PNMA8B: variants seen among roughly 807,000 people sequenced by gnomAD.
The protein encoded by PNMA8B is paraneoplastic antigen-like protein 8B.
For missense variants in PNMA8B, 887 were observed against 885.8 expected, an observed-to-expected ratio of 1.00 and a Z score of -0.02; for synonymous variants, 386 against 394.9, an observed-to-expected ratio of 0.98 and a Z score of 0.27.
Position 46,494,313 on chromosome 19 carries a change from C to G in PNMA8B, c.1153G>C (p.Gly385Arg). ...VLSVMSKDTN[G>R]TRVKVEEAGR... ...GCCTCTTCCACCTTCACGCGGGTCC[C>G]GTTAGTGTCCTTGGACATGACGGAC... The change falls in exon 1 of 1, where the codon GGG becomes CGG. Residue 385 changes from glycine (G) to arginine (R), a missense_variant. Gly to Arg is a moderately radical substitution (Grantham distance 125). Coordinates refer to ENST00000599531, the MANE Select transcript of PNMA8B (RefSeq NM_020709.3). 6.2e-7 allele frequency: 1 copy of G among 1,612,976 alleles called. No individual in the cohort carries two copies. The highest frequency in any genetic ancestry group is 8.5e-7 in the Non-Finnish European group (1 of 1,179,822).
In PNMA8B at chr19:46,495,413, T is replaced by G; in HGVS notation, c.53A>C (p.His18Pro). Residue 18 changes from histidine (H) to proline (P), a missense_variant, in exon 1 of 1, where the codon CAC (histidine) becomes CCC (proline). By Grantham distance (77) the His-to-Pro change is moderately conservative. Transcript: ENST00000599531. Reference sequence around the variant, plus strand: ...GATGCCGGTGACCAGCAGGGCCCTGTGCGCGTCCACGTCCAGGCTCCGGCA... The same window carrying G: ...GATGCCGGTGACCAGCAGGGCCCTGGGCGCGTCCACGTCCAGGCTCCGGCA... Reference protein sequence around the residue: ...DWCRSLDVDAHRALLVTGIPE... With the variant: ...DWCRSLDVDAPRALLVTGIPE... 1 of 1,463,498 alleles carries G rather than the reference T, an allele frequency of 6.8e-7. No homozygotes were observed. The highest frequency in any genetic ancestry group is 1.1e-5 in the South Asian group (1 of 88,126). The allele number at this position is 1,463,498 out of a possible 1,614,324, so 90.7% of individuals were successfully genotyped here. A position where few individuals can be genotyped will look rare whatever the true frequency, so the allele number is the denominator to read the frequency against.
chr19:46,495,127 G>T lies in PNMA8B; in HGVS notation c.339C>A (p.Asp113Glu). Residue 113 changes from aspartate to glutamate, a missense_variant, in exon 1 of 1, where the codon GAC (aspartate) becomes GAA (glutamate). Coordinates refer to ENST00000599531, the MANE Select transcript of PNMA8B (RefSeq NM_020709.3). ...CAGCCTCCGCGGCCTGCGTGGGCCC[G>T]TCATCCAGCAGCAGGCGTCTCATCT... ...LRQMRRLLLD[D>E]GPTQAAEAGT... The T allele has an allele frequency of 8.7e-6, 14 of 1,613,758 alleles. No homozygotes were observed. The highest frequency in any genetic ancestry group is 1.2e-5 in the Non-Finnish European group (14 of 1,179,836).
rs1970026548 is a variant in PNMA8B at position 46,492,977 on chromosome 19, C to T, written c.*581G>A. The T allele has an allele frequency of 1.3e-5, 2 of 154,802 alleles. No individual in the cohort carries two copies. The allele number at this position is 154,802 out of a possible 1,614,324, so 9.6% of individuals were successfully genotyped here. A position where few individuals can be genotyped will look rare whatever the true frequency, so the allele number is the denominator to read the frequency against. On this transcript the variant is annotated 3_prime_UTR_variant, in exon 1 of 1. Transcript: ENST00000599531. ...CGTTCCTCTCCCCTTTCCTCCTCCT[C>T]CCCTTCCCAACCGCCTTCTATCTCT...
At position 46,493,077 on chromosome 19, in the gene PNMA8B, GAC is replaced by G. The variant is rs1970028108; in HGVS notation, c.*479_*480del. On this transcript the variant is annotated 3_prime_UTR_variant, in exon 1 of 1. Coordinates refer to ENST00000599531, the MANE Select transcript of PNMA8B (RefSeq NM_020709.3). This position sits in a 1 kb window ranked among gnomAD's most constrained non-coding sequence, Gnocchi z 5.3. ...CTCCCCTGGCTGAGAGTTGCGCCCT[GAC>G]ACGCGCTGCGCGGCTGGTGACTGAG... 1.9e-5 allele frequency: 3 copies of G among 157,120 alleles called. No individual in the cohort carries two copies. Among genetic ancestry groups the G allele is most frequent in the African/African-American group, 4.8e-5 (2 of 41,798 alleles). The allele number at this position is 157,120 out of a possible 1,614,324, so 9.7% of individuals were successfully genotyped here.
chr19:46,495,418 G>A lies in PNMA8B; in HGVS notation c.48C>T (p.Asp16=). 1 of 1,492,892 alleles carries A rather than the reference G, an allele frequency of 6.7e-7. No individual in the cohort carries two copies. The highest frequency in any genetic ancestry group is 1.1e-5 in the South Asian group (1 of 88,662). 92.5% of individuals were successfully genotyped at this position (1,492,892 alleles called of 1,614,324 possible). A position where few individuals can be genotyped will look rare whatever the true frequency, so the allele number is the denominator to read the frequency against. The stretch of plus-strand genomic sequence containing the variant: ...CGGTGACCAGCAGGGCCCTGTGCGC[G>A]TCCACGTCCAGGCTCCGGCACCAGT... The part of the protein sequence containing the change: ...LQDWCRSLDV[D]AHRALLVTGI... Residue 16 remains aspartate, a synonymous_variant, in exon 1 of 1, where the codon GAC becomes GAT. Transcript: ENST00000599531.
In PNMA8B at chr19:46,495,491, T is replaced by C; in HGVS notation, c.-26A>G. Reference sequence around the variant, plus strand: ...GGTGCAGCCCCCTTGGCGCTGATCTTGGGGCAGCAGGGAGCCCGAGATAGG... The same window carrying C: ...GGTGCAGCCCCCTTGGCGCTGATCTCGGGGCAGCAGGGAGCCCGAGATAGG... On this transcript the variant is annotated 5_prime_UTR_variant, in exon 1 of 1. Transcript: ENST00000599531. The C allele has an allele frequency of 6.3e-7, 1 of 1,576,520 alleles. No homozygotes were observed. The highest frequency in any genetic ancestry group is 8.6e-7 in the Non-Finnish European group (1 of 1,158,110).
Position 46,493,513 on chromosome 19 carries a change from C to T in PNMA8B, c.*45G>A. The T allele has an allele frequency of 6.4e-6, 8 of 1,245,448 alleles. No individual in the cohort carries two copies. Among genetic ancestry groups the T allele is most frequent in the South Asian group, 2.4e-5 (1 of 41,536 alleles). The allele number at this position is 1,245,448 out of a possible 1,614,324, so 77.1% of individuals were successfully genotyped here. On this transcript the variant is annotated 3_prime_UTR_variant, in exon 1 of 1. Coordinates refer to ENST00000599531, the MANE Select transcript of PNMA8B (RefSeq NM_020709.3). The surrounding 1 kb of genome is among the most constrained non-coding windows in gnomAD (Gnocchi z 5.3). Reference sequence around the variant, plus strand: ...GGCGGGGGCCACAGGCGGGCGGGTGCCCTGCGGGGCCTGCTCGCAGCCTGG... The same window carrying T: ...GGCGGGGGCCACAGGCGGGCGGGTGTCCTGCGGGGCCTGCTCGCAGCCTGG...
In PNMA8B at chr19:46,493,579, C is replaced by T; in HGVS notation, c.1887G>A (p.Arg629=). The T allele has an allele frequency of 2.1e-6, 3 of 1,453,824 alleles. No homozygotes were observed. The highest frequency in any genetic ancestry group is 2.7e-6 in the Non-Finnish European group (3 of 1,111,958). The allele number at this position is 1,453,824 out of a possible 1,614,324, so 90.1% of individuals were successfully genotyped here. A position where few individuals can be genotyped will look rare whatever the true frequency, so the allele number is the denominator to read the frequency against. Residue 629 remains arginine (R), a synonymous_variant, in exon 1 of 1, where the codon AGG becomes AGA. Transcript: ENST00000599531. This position sits in a 1 kb window ranked among gnomAD's most constrained non-coding sequence, Gnocchi z 5.3. ...GCCACTAGCGGCATTTAGGGGGCAGCCTCCGGCCCCGACGGGCCTTCTTCC... is the reference window on the plus strand; with the variant it reads ...GCCACTAGCGGCATTTAGGGGGCAGTCTCCGGCCCCGACGGGCCTTCTTCC... ...ARGKKARRGR[R]LPPKCR is the part of the protein sequence containing the mutation.
rs780592952 is a variant in PNMA8B at position 46,493,962 on chromosome 19, C to A, written c.1504G>T (p.Gly502Trp). The change falls in exon 1 of 1, where the codon GGG (glycine) becomes TGG (tryptophan). Residue 502 changes from glycine to tryptophan, a missense_variant. Coordinates refer to ENST00000599531, the MANE Select transcript of PNMA8B (RefSeq NM_020709.3). This position sits in a 1 kb window ranked among gnomAD's most constrained non-coding sequence, Gnocchi z 5.3. ...TGTTCGTCCGAAGCCTCCTCCGACC[C>A]CTCGTTGGACCCCATGTTCTCCCGG... ...AARENMGSNE[G>W]SEEASDEQSE... 14 of 1,612,996 alleles carry A rather than the reference C, an allele frequency of 8.7e-6. No homozygotes were observed. The East Asian group carries it at 3.1e-4, about 36-fold the overall frequency.
rs1970025826 is a variant in PNMA8B at position 46,492,943 on chromosome 19, T to G, written c.*615A>C. The G allele has an allele frequency of 7.0e-6, 1 of 142,148 alleles. No individual in the cohort carries two copies. Among genetic ancestry groups the G allele is most frequent in the Non-Finnish European group, 1.5e-5 (1 of 65,894 alleles). 8.8% of individuals were successfully genotyped at this position (142,148 alleles called of 1,614,324 possible). A position where few individuals can be genotyped will look rare whatever the true frequency, so the allele number is the denominator to read the frequency against. On this transcript the variant is annotated 3_prime_UTR_variant, in exon 1 of 1. Coordinates refer to ENST00000599531, the MANE Select transcript of PNMA8B (RefSeq NM_020709.3). ...CCTCCCCCTCCTCCTCCTCTTTCCCTTCTCCCACCGTTCCTCTCCCCTTTC... is the reference window on the plus strand; with the variant it reads ...CCTCCCCCTCCTCCTCCTCTTTCCCGTCTCCCACCGTTCCTCTCCCCTTTC...
Position 46,493,717 on chromosome 19 carries a change from G to C in PNMA8B, c.1749C>G (p.Ala583=). The C allele has an allele frequency of 6.6e-7, 1 of 1,509,104 alleles. No homozygotes were observed. The allele number at this position is 1,509,104 out of a possible 1,614,324, so 93.5% of individuals were successfully genotyped here. A position where few individuals can be genotyped will look rare whatever the true frequency, so the allele number is the denominator to read the frequency against. The change falls in exon 1 of 1, where the codon GCC becomes GCG. Residue 583 remains alanine (A), a synonymous_variant. Transcript: ENST00000599531. This position sits in a 1 kb window ranked among gnomAD's most constrained non-coding sequence, Gnocchi z 5.3. ...PEKKAGSRGS[A]QDDAAGSRKK... is the part of the protein sequence containing the mutation. ...TCCTGCTTCCTGCGGCGTCGTCCTG[G>C]GCCGAGCCCCGGCTCCCGGCTTTCT...
Position 46,493,650 on chromosome 19 carries a change from C to A in PNMA8B, c.1816G>T (p.Gly606Cys). Reference sequence around the variant, plus strand: ...GTGGGCGCCTGGCCCTTGGCCTCGCCTGCCCTGGCATGGGCCCCGGCGCCC... The same window carrying A: ...GTGGGCGCCTGGCCCTTGGCCTCGCATGCCCTGGCATGGGCCCCGGCGCCC... ...SAGAGAHARA[G>C]EAKGQAPTGS... The change falls in exon 1 of 1, where the codon GGC becomes TGC. Residue 606 changes from glycine to cysteine, a missense_variant. Physicochemically the swap from Gly to Cys is radical, Grantham distance 159 (BLOSUM62 -3). Transcript: ENST00000599531. This position sits in a 1 kb window ranked among gnomAD's most constrained non-coding sequence, Gnocchi z 5.3. 6.5e-7 allele frequency: 1 copy of A among 1,536,154 alleles called. No homozygotes were observed. Among genetic ancestry groups the A allele is most frequent in the East Asian group, 2.5e-5 (1 of 39,534 alleles).
Position 46,493,708 on chromosome 19 carries a change from G to A in PNMA8B, c.1758C>T (p.Asp586=), listed in dbSNP as rs1970041369. 1.3e-6 allele frequency: 2 copies of A among 1,534,404 alleles called. No homozygotes were observed. The highest frequency in any genetic ancestry group is 8.7e-7 in the Non-Finnish European group (1 of 1,149,236). The change falls in exon 1 of 1, where the codon GAC becomes GAT. Residue 586 remains aspartate (D), a synonymous_variant. Transcript: ENST00000599531. This position sits in a 1 kb window ranked among gnomAD's most constrained non-coding sequence, Gnocchi z 5.3. ...CCTTCTTCTTCCTGCTTCCTGCGGCGTCGTCCTGGGCCGAGCCCCGGCTCC... is the reference window on the plus strand; with the variant it reads ...CCTTCTTCTTCCTGCTTCCTGCGGCATCGTCCTGGGCCGAGCCCCGGCTCC... The part of the protein sequence containing the change: ...KAGSRGSAQD[D]AAGSRKKKGS...
At position 46,493,711 on chromosome 19, in the gene PNMA8B, G is replaced by C; in HGVS notation, c.1755C>G (p.Asp585Glu). 6.6e-7 allele frequency: 1 copy of C among 1,515,296 alleles called. No homozygotes were observed. The highest frequency in any genetic ancestry group is 1.4e-5 in the African/African-American group (1 of 69,774). 93.9% of individuals were successfully genotyped at this position (1,515,296 alleles called of 1,614,324 possible). Residue 585 changes from aspartate to glutamate, a missense_variant, in exon 1 of 1, where the codon GAC becomes GAG. Coordinates refer to ENST00000599531, the MANE Select transcript of PNMA8B (RefSeq NM_020709.3). This position sits in a 1 kb window ranked among gnomAD's most constrained non-coding sequence, Gnocchi z 5.3. ...TCTTCTTCCTGCTTCCTGCGGCGTC[G>C]TCCTGGGCCGAGCCCCGGCTCCCGG... ...KKAGSRGSAQ[D>E]DAAGSRKKKG...
rs1970042378 is a variant in PNMA8B, at chr19:46,493,743, T to C, written c.1723A>G (p.Lys575Glu). 3 of 1,473,478 alleles carry C rather than the reference T, an allele frequency of 2.0e-6. No homozygotes were observed. The highest frequency in any genetic ancestry group is 1.8e-6 in the Non-Finnish European group (2 of 1,119,110). The allele number at this position is 1,473,478 out of a possible 1,614,324, so 91.3% of individuals were successfully genotyped here. Residue 575 changes from lysine to glutamate, a missense_variant, in exon 1 of 1, where the codon AAG (lysine) becomes GAG (glutamate). By Grantham distance (56) the Lys-to-Glu change is moderately conservative. Transcript: ENST00000599531. The surrounding 1 kb of genome is among the most constrained non-coding windows in gnomAD (Gnocchi z 5.3). ...RGRGRGVTPE[K>E]KAGSRGSAQD... ...GCCGAGCCCCGGCTCCCGGCTTTCT[T>C]CTCGGGAGTGACGCCCCGGCCTCGG...
Position 46,493,732 on chromosome 19 carries a change from C to G in PNMA8B, c.1734G>C (p.Gly578=). The change falls in exon 1 of 1, where the codon GGG becomes GGC. Residue 578 remains glycine (G), a synonymous_variant. Coordinates refer to ENST00000599531, the MANE Select transcript of PNMA8B (RefSeq NM_020709.3). The surrounding 1 kb of genome is among the most constrained non-coding windows in gnomAD (Gnocchi z 5.3). ...GRGVTPEKKA[G]SRGSAQDDAA... Reference sequence around the variant, plus strand: ...CGTCGTCCTGGGCCGAGCCCCGGCTCCCGGCTTTCTTCTCGGGAGTGACGC... The same window carrying G: ...CGTCGTCCTGGGCCGAGCCCCGGCTGCCGGCTTTCTTCTCGGGAGTGACGC... The G allele has an allele frequency of 6.7e-7, 1 of 1,493,158 alleles. No individual in the cohort carries two copies. The highest frequency in any genetic ancestry group is 8.9e-7 in the Non-Finnish European group (1 of 1,129,014). The allele number at this position is 1,493,158 out of a possible 1,614,324, so 92.5% of individuals were successfully genotyped here.
At position 46,493,882 on chromosome 19, in the gene PNMA8B, C is replaced by T; in HGVS notation, c.1584G>A (p.Arg528=). ...TCTTGGCCCGGGGCTTCCTGGATGC[C>T]CTGTCCTCCGGCTCCGACGCCTCGC... The part of the protein sequence containing the change: ...TESEASEPED[R]ASRKPRAKRA... Residue 528 remains arginine, a synonymous_variant, in exon 1 of 1, where the codon AGG becomes AGA. Coordinates refer to ENST00000599531, the MANE Select transcript of PNMA8B (RefSeq NM_020709.3). The surrounding 1 kb of genome is among the most constrained non-coding windows in gnomAD (Gnocchi z 5.3). 3 of 1,549,934 alleles carry T rather than the reference C, an allele frequency of 1.9e-6. No homozygotes were observed. The highest frequency in any genetic ancestry group is 2.6e-6 in the Non-Finnish European group (3 of 1,149,940).
At position 46,495,764 on chromosome 19, in the gene PNMA8B, G is replaced by C; in HGVS notation, c.-299C>G. 1 of 336,988 alleles carries C rather than the reference G, an allele frequency of 3.0e-6. No individual in the cohort carries two copies. The highest frequency in any genetic ancestry group is 8.9e-5 in the South Asian group (1 of 11,196). The allele number at this position is 336,988 out of a possible 1,614,324, so 20.9% of individuals were successfully genotyped here. On this transcript the variant is annotated 5_prime_UTR_variant, in exon 1 of 1. Transcript: ENST00000599531. ...CTCCCTCTCTCCCTGACACAGGCCT[G>C]AGTGACTCGGCACCGCAGCCAGGTG... is the stretch of plus-strand genomic sequence containing the variant.
Position 46,493,671 on chromosome 19 carries a change from C to T in PNMA8B, c.1795G>A (p.Ala599Thr). The change falls in exon 1 of 1, where the codon GCC becomes ACC. Residue 599 changes from alanine (A) to threonine (T), a missense_variant. Ala to Thr is a moderately conservative substitution (Grantham distance 58, BLOSUM62 0). Coordinates refer to ENST00000599531, the MANE Select transcript of PNMA8B (RefSeq NM_020709.3). This position sits in a 1 kb window ranked among gnomAD's most constrained non-coding sequence, Gnocchi z 5.3. ...TCGCCTGCCCTGGCATGGGCCCCGG[C>T]GCCCGCGCTCCCCTTCTTCTTCCTG... ...GSRKKKGSAG[A>T]GAHARAGEAK... 1.3e-6 allele frequency: 2 copies of T among 1,530,028 alleles called. No homozygotes were observed. 94.8% of individuals were successfully genotyped at this position (1,530,028 alleles called of 1,614,324 possible).
Sources: gnomAD v4.1 joint callset for allele counts on GRCh38, gnomAD v4.1.1 for gene constraint, Gnocchi (gnomAD v3.1) non-coding constraint, MANE v1.5 for transcripts, NCBI Gene and HGNC (gene_info 2026-07-23, HGNC 2026-07-21) for gene names.